Variants in GPC5 observed in about 807,000 individuals in gnomAD.
GPC5 encodes the protein glypican-5.
A neutral mutation model predicts 53.9 loss-of-function variants in GPC5; 47 were observed. The observed-to-expected ratio is 0.87, with a 90% CI of 0.69 to 1.11. The LOEUF is 1.11. GPC5 is among the 50% of genes most tolerant of loss of function. GPC5 has a pLI of 0.00. For missense variants in GPC5, 748 were observed against 713.1 expected (o/e 1.05, Z -0.56); for synonymous variants, 286 against 263.3 (o/e 1.09, Z -0.84).
rs541596651 is a variant in GPC5, at chr13:92,815,675, A to G, written c.1562-50607A>G. On this transcript the variant is annotated intron_variant, in intron 7 of 7. Coordinates refer to ENST00000377067, the MANE Select transcript of GPC5 (RefSeq NM_004466.6). ...TATACAAAGACAGTAGAAGCCAATC[A>G]ATGGTGGTGGCCAGGACTCCTGTGG... Among the ~76,000 whole-genome samples, 12 of 151,962 alleles carry G rather than the reference A, an allele frequency of 7.9e-5. No individual in the cohort carries two copies. In the East Asian group the frequency reaches 2.3e-3, roughly 30 times the overall value.
chr13:92,142,345 A>G (rs780383208), intron 6 of GPC5, among the ~76,000 whole-genome samples: 7 of 152,178 alleles, frequency 4.6e-5, no homozygotes, highest in Non-Finnish European at 8.8e-5. Context: ...CTGACATCAT[A>G]TTCACAGCCC....
At chr13:92,595,035 G>T (rs1198019224) in intron 7 of GPC5, among the ~76,000 whole-genome samples, 1 of 152,122 alleles carries the variant, frequency 6.6e-6, no homozygotes, top group Non-Finnish European at 1.5e-5. Context: ...GATATTTGAT[G>T]GCATATACAT....
chr13:92,164,180 T>C (rs1311826138), intron 7 of GPC5, among the ~76,000 whole-genome samples: 1 of 152,104 alleles, frequency 6.6e-6, no homozygotes, highest in Non-Finnish European at 1.5e-5. Context: ...CCAAATCTCA[T>C]GTCCTCACAT....
chr13:91,808,480 C>G (rs1458062704), intron 5 of GPC5, among the ~76,000 whole-genome samples: 23 of 152,106 alleles, frequency 1.5e-4, no homozygotes, highest in Non-Finnish European at 3.1e-4. Flanking sequence ...GGAGTATGCT[C>G]TTACCTGTTT....
intron 5 of GPC5, among the ~76,000 whole-genome samples, chr13:91,871,511 T>TA (rs1398890036): frequency 6.6e-6 from 1 of 151,988 alleles, no homozygotes; most frequent in African/African-American, 2.4e-5. Context: ...AAAAAAAGGT[T>TA]AAAAAAAGAG....
intron 6 of GPC5, among the ~76,000 whole-genome samples, chr13:91,973,148 TG>T (rs2139094842): frequency 6.6e-6 from 1 of 152,342 alleles, no homozygotes; most frequent in South Asian, 2.1e-4. Context: ...TCATATTTCT[TG>T]GAGGCTTTGT....
chr13:91,501,190 GT>G (rs1361712936), intron 2 of GPC5, among the ~76,000 whole-genome samples: 1 of 147,698 alleles, frequency 6.8e-6, no homozygotes, highest in East Asian at 2.0e-4. Context: ...TTGTCCTGAA[GT>G]TATTCGTAAC....
At chr13:91,528,642 T>C (rs564652237) in intron 2 of GPC5, among the ~76,000 whole-genome samples, 1 of 152,330 alleles carries the variant, frequency 6.6e-6, no homozygotes, top group Admixed American at 6.5e-5. Context: ...TTTATAGCAG[T>C]GCCTCACTCC....
chr13:92,059,766 G>A (rs533935736), intron 6 of GPC5: 1 of 151,860 alleles, frequency 6.6e-6, no homozygotes, highest in Non-Finnish European at 1.5e-5. Flanking sequence ...TATAAAATAC[G>A]TTTTCTTAGC....
intron 2 of GPC5, among the ~76,000 whole-genome samples, chr13:91,572,060 T>C (rs2031894751): frequency 3.5e-5 from 5 of 144,250 alleles, no homozygotes; most frequent in African/African-American, 1.0e-4. Context: ...TATGTATATA[T>C]ACATGTATAT....
At chr13:92,730,588 TTTTTTC>T (rs982581965) in intron 7 of GPC5, among the ~76,000 whole-genome samples, 22 of 148,840 alleles carry the variant, frequency 1.5e-4, no homozygotes, top group African/African-American at 4.9e-4. Context: ...CCAGACTTGC[TTTTTTC>T]TTTTTATTTC....
At chr13:91,410,587 C>A (rs965612458) in intron 1 of GPC5, among the ~76,000 whole-genome samples, 2 of 151,656 alleles carry the variant, frequency 1.3e-5, no homozygotes, top group Non-Finnish European at 2.9e-5. Flanking sequence ...ACCTCGTGAT[C>A]CGCCCGCCTT....
In GPC5 at chr13:91,822,956, G is replaced by A. The variant is rs182585186; in HGVS notation, c.1280+66536G>A. On this transcript the variant is annotated intron_variant, in intron 5 of 7. Coordinates refer to ENST00000377067, the MANE Select transcript of GPC5 (RefSeq NM_004466.6). ...CTCCTGTGCCTGTGAATTTTGCTTAGTTTCATTAGTGATTATAAGCATCTC... is the reference window on the plus strand; with the variant it reads ...CTCCTGTGCCTGTGAATTTTGCTTAATTTCATTAGTGATTATAAGCATCTC... 2.3e-3 allele frequency among the ~76,000 whole-genome samples: 348 copies of A among 152,092 alleles called. 7 individuals are homozygous for A. The highest frequency in any genetic ancestry group is 0.021 in the Admixed American group (324 of 15,258).
chr13:91,975,268 A>G (rs2040288062), intron 6 of GPC5, among the ~76,000 whole-genome samples: 1 of 152,202 alleles, frequency 6.6e-6, no homozygotes, highest in Non-Finnish European at 1.5e-5. Flanking sequence ...AAATTGACAA[A>G]TGGGATCTAA....
chr13:92,244,962 C>T (rs931882060), intron 7 of GPC5, among the ~76,000 whole-genome samples: 19 of 148,980 alleles, frequency 1.3e-4, no homozygotes, highest in Admixed American at 3.4e-4. Context: ...TGCTTGAACC[C>T]GGGAGGTGGA....
chr13:92,746,622 CAG>C (rs1384024135), intron 7 of GPC5, among the ~76,000 whole-genome samples: 1 of 152,088 alleles, frequency 6.6e-6, no homozygotes, highest in Admixed American at 6.6e-5. Context: ...TGAACTTCAT[CAG>C]AGTTTACAAT....
chr13:91,941,129 T>C (rs957496462), intron 6 of GPC5, among the ~76,000 whole-genome samples: 3 of 152,108 alleles, frequency 2.0e-5, no homozygotes, highest in African/African-American at 4.8e-5. Context: ...GGCTTGTTTT[T>C]GTCAGTGTTA....
At chr13:92,176,725 C>G (rs1355786237) in intron 7 of GPC5, among the ~76,000 whole-genome samples, 1 of 152,144 alleles carries the variant, frequency 6.6e-6, no homozygotes, top group Non-Finnish European at 1.5e-5. Flanking sequence ...GAGCTAGGCC[C>G]AGTGGTTCCT....
At chr13:92,520,736 T>C (rs1450609502) in intron 7 of GPC5, among the ~76,000 whole-genome samples, 2 of 152,094 alleles carry the variant, frequency 1.3e-5, no homozygotes, top group Non-Finnish European at 2.9e-5. Flanking sequence ...AGGGATGCCC[T>C]CTCTCACCAA....
Sources: allele counts gnomAD v4.1 joint callset (sites outside exome capture counted in the v4.1 genomes callset), GRCh38; gene constraint gnomAD v4.1.1; transcripts MANE v1.5; gene names NCBI Gene and HGNC (gene_info 2026-07-23, HGNC 2026-07-21).